WWOX: variants seen among roughly 807,000 people sequenced by gnomAD.
WWOX encodes the protein WW domain-containing oxidoreductase.
In WWOX, 69 loss-of-function variants were observed where a neutral mutation model predicts 46.2. The observed-to-expected ratio is 1.49, with a 90% CI of 1.23 to 1.82. The LOEUF is 1.82. Among genes scored for constraint, WWOX ranks in the 40% most tolerant of loss-of-function variants. The pLI is 0.00. For missense variants in WWOX, 919 were observed against 542.6 expected, an observed-to-expected ratio of 1.69 and a Z score of -6.89; for synonymous variants, 359 against 202.6, an observed-to-expected ratio of 1.77 and a Z score of -6.56.
chr16:79,064,304 T>C (rs903073594), intron 8 of WWOX, among the ~76,000 whole-genome samples: 3 of 152,232 alleles, frequency 2.0e-5, no homozygotes, highest in Admixed American at 6.5e-5. Flanking sequence ...GAATTTAAGA[T>C]GATGGTTTAG....
chr16:79,203,591 A>G (rs2051413367), intron 8 of WWOX: 1 of 151,872 alleles, frequency 6.6e-6, no homozygotes, highest in Non-Finnish European at 1.5e-5. Context: ...TTAAAATCTA[A>G]ACAAACAGCT....
At chr16:78,144,628 T>C (rs2034136688) in intron 4 of WWOX, among the ~76,000 whole-genome samples, 1 of 147,568 alleles carries the variant, frequency 6.8e-6, no homozygotes, top group Admixed American at 6.8e-5. Context: ...TTCAAGCAAT[T>C]CTCCTGCCTC....
Position 79,019,157 on chromosome 16 carries a change from C to CAAAAAAAAAA in WWOX, c.1057-192432_1057-192423dup, listed in dbSNP as rs903333994. Among the ~76,000 whole-genome samples the CAAAAAAAAAA allele has an allele frequency of 4.0e-3, 97 of 24,546 alleles. 2 individuals are homozygous for CAAAAAAAAAA. The highest frequency in any genetic ancestry group is 6.2e-3 in the African/African-American group (40 of 6,466). The allele number at this position is 24,546 out of a possible 152,430, so 16.1% of individuals were successfully genotyped here. ...TGGGCAGCAGAGTGCGACCTTGTCT[C>CAAAAAAAAAA]AAAAAAAAAAAAAAAAAAAAAAAAA... On this transcript the variant is annotated intron_variant, in intron 8 of 8. Transcript: ENST00000566780.
intron 5 of WWOX, among the ~76,000 whole-genome samples, chr16:78,210,079 C>T (rs533473441): frequency 1.1e-4 from 16 of 152,016 alleles, no homozygotes; most frequent in Non-Finnish European, 1.9e-4. Context: ...GGAAAAATGA[C>T]GTGTGAGCTG....
At chr16:79,201,914 T>C (rs1379174939) in intron 8 of WWOX, among the ~76,000 whole-genome samples, 2 of 152,226 alleles carry the variant, frequency 1.3e-5, no homozygotes, top group Non-Finnish European at 2.9e-5. Context: ...AGAAGAATTT[T>C]CATTTGATCA....
intron 4 of WWOX, among the ~76,000 whole-genome samples, chr16:78,124,775 C>G (rs2033286951): frequency 6.6e-6 from 1 of 152,102 alleles, no homozygotes; most frequent in South Asian, 2.1e-4. Context: ...GATGGTTTTA[C>G]TTTTTGTGAT....
chr16:79,076,700 C>T (rs945068699), intron 8 of WWOX, among the ~76,000 whole-genome samples: 1 of 152,202 alleles, frequency 6.6e-6, no homozygotes, highest in Non-Finnish European at 1.5e-5. Flanking sequence ...CGTCTTTAGC[C>T]CCCCACTTAG....
intron 8 of WWOX, among the ~76,000 whole-genome samples, chr16:79,084,606 G>A (rs900053587): frequency 1.3e-5 from 2 of 152,060 alleles, no homozygotes; most frequent in African/African-American, 4.8e-5. Context: ...GTAAAGATGG[G>A]GTTTCACCAT....
chr16:78,807,923 G>C (rs1480077435), intron 8 of WWOX, among the ~76,000 whole-genome samples: 6 of 152,198 alleles, frequency 3.9e-5, no homozygotes, highest in Non-Finnish European at 8.8e-5. Flanking sequence ...TGGACAGCAC[G>C]GTTACAGAAC....
chr16:78,559,661 G>T (rs190781308), intron 8 of WWOX, among the ~76,000 whole-genome samples: 1 of 152,334 alleles, frequency 6.6e-6, no homozygotes, highest in East Asian at 1.9e-4. Context: ...TGTATTCCGG[G>T]AGGATTTTCT....
At chr16:78,682,040 C>G (rs1316434560) in intron 8 of WWOX, among the ~76,000 whole-genome samples, 1 of 152,190 alleles carries the variant, frequency 6.6e-6, no homozygotes, top group Non-Finnish European at 1.5e-5. Context: ...AAGAGTTGTT[C>G]TCCATGCTCC....
chr16:78,579,191 G>A (rs756852645), intron 8 of WWOX, among the ~76,000 whole-genome samples: 1 of 152,102 alleles, frequency 6.6e-6, no homozygotes, highest in Admixed American at 6.5e-5. Flanking sequence ...CTATTTGTGG[G>A]TGTTACTTTA....
rs9630656 is a variant in WWOX at position 78,803,530 on chromosome 16, T to C, written c.1056+370778T>C. Among the ~76,000 whole-genome samples the C allele has an allele frequency of 4.3e-3, 649 of 152,316 alleles. 2 individuals are homozygous for C. Among genetic ancestry groups the C allele is most frequent in the African/African-American group, 0.015 (618 of 41,576 alleles). On this transcript the variant is annotated intron_variant, in intron 8 of 8. Transcript: ENST00000566780. ...GGTGCGATCACAGCTTTCTGCAGCATTGACCTTGTGGGCTCAAGCAGTCGT... is the reference window on the plus strand; with the variant it reads ...GGTGCGATCACAGCTTTCTGCAGCACTGACCTTGTGGGCTCAAGCAGTCGT...
chr16:78,505,491 G>A (rs1237793704), intron 8 of WWOX, among the ~76,000 whole-genome samples: 1 of 152,064 alleles, frequency 6.6e-6, no homozygotes, highest in Non-Finnish European at 1.5e-5. Context: ...ACCTAGATTT[G>A]GCCTGGGCAG....
intron 8 of WWOX, among the ~76,000 whole-genome samples, chr16:78,988,815 C>T (rs758710773): frequency 3.3e-5 from 5 of 152,126 alleles, no homozygotes; most frequent in Admixed American, 2.0e-4. Context: ...CTTTCTCAGC[C>T]GTGGCTTGTG....
At chr16:78,376,425 T>C (rs528317742) in intron 5 of WWOX, among the ~76,000 whole-genome samples, 48 of 152,348 alleles carry the variant, frequency 3.2e-4, no homozygotes, top group African/African-American at 1.2e-3. Context: ...CCTGTTCTTA[T>C]CTTGGGGCAG....
At chr16:78,614,311 A>T (rs2045969331) in intron 8 of WWOX, among the ~76,000 whole-genome samples, 1 of 152,264 alleles carries the variant, frequency 6.6e-6, no homozygotes, top group Non-Finnish European at 1.5e-5. Flanking sequence ...GGAATCAAGT[A>T]GAATAACATG....
intron 8 of WWOX, among the ~76,000 whole-genome samples, chr16:78,499,533 T>C (rs556509336): frequency 6.6e-6 from 1 of 152,232 alleles, no homozygotes; most frequent in Non-Finnish European, 1.5e-5. Flanking sequence ...ACTCATCAGC[T>C]GTCTCCTTGA....
intron 8 of WWOX, among the ~76,000 whole-genome samples, chr16:78,687,697 A>G (rs111684075): frequency 1.3e-5 from 2 of 152,228 alleles, no homozygotes; most frequent in African/African-American, 2.4e-5. Flanking sequence ...TCATAGCTCA[A>G]TTAGATCTAA....
Sources: allele counts gnomAD v4.1 joint callset (sites outside exome capture counted in the v4.1 genomes callset), GRCh38; gene constraint gnomAD v4.1.1; transcripts MANE v1.5; gene names NCBI Gene and HGNC (gene_info 2026-07-23, HGNC 2026-07-21).